Variants in SPATA16 observed in about 807,000 individuals in gnomAD.
SPATA16 encodes the protein spermatogenesis associated 16.
In SPATA16, 36 loss-of-function variants were observed where a neutral mutation model predicts 63.3. The ratio of observed to expected loss-of-function variants is 0.57; its 90% CI spans 0.44 to 0.75. The LOEUF is 0.75. Among genes scored for constraint, SPATA16 ranks in the 30% least tolerant of loss-of-function variants. SPATA16 has a pLI of 0.00. For synonymous variants in SPATA16, 203 were observed against 216.7 expected (o/e 0.94, Z 0.56); for missense variants, 646 against 679.3 (o/e 0.95, Z 0.54).
At chr3:173,114,412 C>T (rs1026835129) in intron 2 of SPATA16, among the ~76,000 whole-genome samples, 4 of 152,068 alleles carry the variant, frequency 2.6e-5, no homozygotes, top group African/African-American at 4.8e-5. Flanking sequence ...ATGGTGTGCT[C>T]GTGGAGACAC....
At chr3:172,979,829 T>C (rs1013647460) in intron 4 of SPATA16, among the ~76,000 whole-genome samples, 1 of 152,210 alleles carries the variant, frequency 6.6e-6, no homozygotes, top group Non-Finnish European at 1.5e-5. Context: ...GAAGCATAAG[T>C]ATTATAAGAG....
At chr3:173,119,750 A>T (rs2108338987) in intron 1 of SPATA16, among the ~76,000 whole-genome samples, 1 of 129,098 alleles carries the variant, frequency 7.7e-6, no homozygotes, top group Non-Finnish European at 1.8e-5. Flanking sequence ...TTTGGGCAAG[A>T]CCCTGTTTCC....
intron 1 of SPATA16, among the ~76,000 whole-genome samples, chr3:173,131,058 C>T (rs968388978): frequency 5.9e-5 from 9 of 152,084 alleles, no homozygotes; most frequent in East Asian, 1.9e-4. Context: ...TTAAGGACTA[C>T]GGAAATATTT....
intron 10 of SPATA16, among the ~76,000 whole-genome samples, chr3:172,900,962 T>C (rs1452781785): frequency 5.3e-5 from 8 of 152,148 alleles, no homozygotes; most frequent in Non-Finnish European, 1.2e-4. Context: ...ATTTTTATTG[T>C]CCTGTCTTTC....
intron 3 of SPATA16, among the ~76,000 whole-genome samples, chr3:173,030,066 CTA>C (rs1735566493): frequency 3.2e-5 from 1 of 31,046 alleles, no homozygotes; most frequent in African/African-American, 1.4e-4. Flanking sequence ...TACTATCTAT[CTA>C]TCTATCTATC....
intron 4 of SPATA16, among the ~76,000 whole-genome samples, chr3:173,013,723 T>C (rs1488704531): frequency 6.6e-6 from 1 of 152,238 alleles, no homozygotes; most frequent in Non-Finnish European, 1.5e-5. Context: ...CCCAGGTAGC[T>C]GTAACTCAGG....
At chr3:173,069,808 C>T (rs1422640860) in intron 2 of SPATA16, among the ~76,000 whole-genome samples, 1 of 152,148 alleles carries the variant, frequency 6.6e-6, no homozygotes, top group Non-Finnish European at 1.5e-5. Context: ...GAATTTATCC[C>T]TGTGATGCAA....
intron 2 of SPATA16, among the ~76,000 whole-genome samples, chr3:173,072,275 C>T (rs1362518281): frequency 6.6e-6 from 1 of 152,128 alleles, no homozygotes; most frequent in Non-Finnish European, 1.5e-5. Flanking sequence ...CACCTTGATG[C>T]AGCTGGAGGC....
At chr3:172,980,429 T>C (rs1734273381) in intron 4 of SPATA16, among the ~76,000 whole-genome samples, 1 of 152,242 alleles carries the variant, frequency 6.6e-6, no homozygotes, top group Admixed American at 6.5e-5. Flanking sequence ...TTCATTGTCA[T>C]GATTCTGTTC....
intron 6 of SPATA16, among the ~76,000 whole-genome samples, chr3:172,944,428 G>A (rs1733233739): frequency 6.6e-6 from 1 of 152,120 alleles, no homozygotes; most frequent in African/African-American, 2.4e-5. Context: ...AAATGGTGTG[G>A]CCACTACAAG....
chr3:173,010,701 T>G (rs2108271480), intron 4 of SPATA16, among the ~76,000 whole-genome samples: 1 of 152,166 alleles, frequency 6.6e-6, no homozygotes, highest in Non-Finnish European at 1.5e-5. Flanking sequence ...TGGCTTCCAG[T>G]GCACCCACCC....
At chr3:172,956,923 AT>A in intron 5 of SPATA16, 99 bp from the exon 6 acceptor site, 6 of 1,394,438 alleles carry the variant, frequency 4.3e-6, no homozygotes, top group Non-Finnish European at 6.0e-6. Context: ...TTAAAAATCT[AT>A]ATACTGTACT....
chr3:172,906,551 C>A (rs1732241684), intron 10 of SPATA16, among the ~76,000 whole-genome samples: 1 of 139,034 alleles, frequency 7.2e-6, no homozygotes, highest in African/African-American at 2.6e-5. Context: ...TAATTCCCCA[C>A]TCGGCCTCAC....
chr3:172,922,079 C>G (rs1361708259), intron 8 of SPATA16, among the ~76,000 whole-genome samples: 1 of 152,192 alleles, frequency 6.6e-6, no homozygotes, highest in African/African-American at 2.4e-5. Flanking sequence ...AATTTCTAGT[C>G]ACCAATTCAT....
intron 10 of SPATA16, among the ~76,000 whole-genome samples, chr3:172,892,889 CT>C (rs1731923086): frequency 6.6e-6 from 1 of 152,120 alleles, no homozygotes; most frequent in South Asian, 2.1e-4. Flanking sequence ...GGGCAGATAA[CT>C]TTTTTTGTGT....
chr3:173,021,822 C>T (rs1735338953), intron 3 of SPATA16, among the ~76,000 whole-genome samples: 1 of 151,838 alleles, frequency 6.6e-6, no homozygotes, highest in African/African-American at 2.4e-5. Flanking sequence ...CTTATTCACT[C>T]ATGCATGTTT....
At chr3:173,018,336 G>A (rs770794206) in intron 4 of SPATA16, among the ~76,000 whole-genome samples, 15 of 150,098 alleles carry the variant, frequency 1.0e-4, no homozygotes, top group Non-Finnish European at 2.1e-4. Context: ...GTGCAATGGC[G>A]CGATCTCGGC....
At chr3:172,919,263 A>G (rs1732567618) in intron 8 of SPATA16, among the ~76,000 whole-genome samples, 1 of 152,244 alleles carries the variant, frequency 6.6e-6, no homozygotes, top group Non-Finnish European at 1.5e-5. Flanking sequence ...ATGGAAAAGT[A>G]TAGTGCCATC....
chr3:173,055,914 A>G (rs1375145547), intron 2 of SPATA16, among the ~76,000 whole-genome samples: 1 of 152,222 alleles, frequency 6.6e-6, no homozygotes, highest in Non-Finnish European at 1.5e-5. Flanking sequence ...AAATTTAATT[A>G]AAAATAATAA....
Sources: allele counts gnomAD v4.1 joint callset (sites outside exome capture counted in the v4.1 genomes callset), GRCh38; gene constraint gnomAD v4.1.1; transcripts MANE v1.5; gene names NCBI Gene and HGNC (gene_info 2026-07-23, HGNC 2026-07-21).